The following FAP variants were observed in gnomAD, a reference collection of about 807,000 sequenced individuals.
FAP encodes fibroblast activation protein alpha.
Under a neutral mutation model 126.5 loss-of-function variants are expected in FAP, and 110 were observed. That is an observed-to-expected ratio of 0.87 (90% CI 0.74 to 1.02). The LOEUF is 1.02. Ranked by LOEUF, FAP falls within the 50% of genes least tolerant of loss-of-function variation. The pLI is 0.00. For synonymous variants in FAP, 334 were observed against 297.3 expected, an observed-to-expected ratio of 1.12 and a Z score of -1.27; for missense variants, 919 against 909.2, an observed-to-expected ratio of 1.01 and a Z score of -0.14.
At chr2:162,201,427 T>C (rs925184352) in intron 14 of FAP, among the ~76,000 whole-genome samples, 1 of 152,194 alleles carries the variant, frequency 6.6e-6, no homozygotes, top group Non-Finnish European at 1.5e-5. Context: ...AACTAACACC[T>C]TTCTATGCAT....
intron 16 of FAP, chr2:162,198,201 G>T: frequency 1.6e-6 from 2 of 1,289,462 alleles, no homozygotes; most frequent in Non-Finnish European, 2.0e-6. Flanking sequence ...ATTTAGAAAG[G>T]ACAAAGGTTC....
chr2:162,202,030 G>T (rs532648361), intron 14 of FAP, among the ~76,000 whole-genome samples: 1 of 152,248 alleles, frequency 6.6e-6, no homozygotes, highest in East Asian at 1.9e-4. Flanking sequence ...ATAGATTTCC[G>T]ACAGGCTTTT....
At chr2:162,184,944 G>A (rs145807891) in intron 20 of FAP, among the ~76,000 whole-genome samples, 24 of 152,204 alleles carry the variant, frequency 1.6e-4, no homozygotes, top group Admixed American at 3.9e-4. Context: ...CTCTTCCTAG[G>A]TTTATTCTGA....
intron 9 of FAP, among the ~76,000 whole-genome samples, chr2:162,216,790 C>A (rs1434893367): frequency 6.6e-6 from 1 of 152,326 alleles, no homozygotes; most frequent in Non-Finnish European, 1.5e-5. Flanking sequence ...TCTCTTAGGA[C>A]CTCCGTTTCA....
chr2:162,232,704 C>T (rs1037346231), intron 2 of FAP, among the ~76,000 whole-genome samples: 5 of 152,192 alleles, frequency 3.3e-5, no homozygotes, highest in African/African-American at 9.6e-5. Flanking sequence ...AAGGATTTGC[C>T]GGGCTTTTAA....
At chr2:162,232,363 G>T (rs1027283654) in intron 2 of FAP, among the ~76,000 whole-genome samples, 2 of 152,058 alleles carry the variant, frequency 1.3e-5, no homozygotes, top group African/African-American at 4.8e-5. Flanking sequence ...AGAAAAGCTG[G>T]GGTTTAAATT....
intron 12 of FAP, among the ~76,000 whole-genome samples, chr2:162,208,111 C>G (rs1210274394): frequency 6.6e-6 from 1 of 151,654 alleles, no homozygotes; most frequent in Non-Finnish European, 1.5e-5. Flanking sequence ...CAAAAATTAG[C>G]TGGGCGTGAT....
intron 14 of FAP, among the ~76,000 whole-genome samples, chr2:162,200,830 A>C (rs533655762): frequency 4.6e-5 from 7 of 152,318 alleles, no homozygotes; most frequent in Admixed American, 4.6e-4. Context: ...AATTATGCTG[A>C]ATACTGTTTT....
At chr2:162,201,627 C>T (rs543028944) in intron 14 of FAP, among the ~76,000 whole-genome samples, 2 of 152,120 alleles carry the variant, frequency 1.3e-5, no homozygotes, top group Non-Finnish European at 2.9e-5. Flanking sequence ...TCTTTTCTCT[C>T]TCTTTTTCCT....
At position 162,219,848 on chromosome 2, in the gene FAP, C is replaced by G. The variant is rs1259112763; in HGVS notation, c.486+5G>C. ...ATTAAACACTTCAAAAATTTAAACA[C>G]TTACTAATTTACTCCCAACAGGCGA... On this transcript the variant is annotated splice_donor_5th_base_variant and intron_variant, in intron 7 of 25. Coordinates refer to ENST00000188790, the MANE Select transcript of FAP (RefSeq NM_004460.5). The G allele has an allele frequency of 6.3e-7, 1 of 1,597,436 alleles. No individual in the cohort carries two copies. Among genetic ancestry groups the G allele is most frequent in the Non-Finnish European group, 8.6e-7 (1 of 1,166,056 alleles).
chr2:162,177,521 C>T (rs988138524), intron 21 of FAP, among the ~76,000 whole-genome samples: 1 of 152,072 alleles, frequency 6.6e-6, no homozygotes. Flanking sequence ...TGACCTTCTG[C>T]CTGGAATGCT....
intron 6 of FAP, among the ~76,000 whole-genome samples, chr2:162,222,947 C>T (rs866565502): frequency 4.6e-5 from 7 of 152,050 alleles, no homozygotes; most frequent in Middle Eastern, 3.2e-3. Context: ...CTTCTTGCTG[C>T]CAGAAATTCT....
intron 21 of FAP, chr2:162,175,985 A>G (rs181590747): frequency 6.6e-6 from 1 of 152,242 alleles, no homozygotes; most frequent in Admixed American, 6.5e-5. Context: ...CTGATGCAAG[A>G]ACGTCCCTAA....
intron 20 of FAP, among the ~76,000 whole-genome samples, chr2:162,186,804 A>G (rs1031822327): frequency 3.3e-5 from 5 of 152,096 alleles, no homozygotes; most frequent in Non-Finnish European, 7.4e-5. Context: ...GAATTAAGCT[A>G]TAATTCTGAG....
intron 25 of FAP, chr2:162,171,330 C>T (rs979495009): frequency 9.1e-5 from 30 of 330,886 alleles, no homozygotes; most frequent in African/African-American, 6.0e-4. Flanking sequence ...CATCATCCAG[C>T]ATCCTGGAAG....
intron 2 of FAP, among the ~76,000 whole-genome samples, chr2:162,240,231 T>C (rs1279148207): frequency 1.3e-5 from 2 of 152,222 alleles, no homozygotes; most frequent in East Asian, 3.8e-4. Flanking sequence ...AAAAAGGGAA[T>C]ATTTTACAAG....
chr2:162,178,043 C>G (rs1199508962), intron 21 of FAP, among the ~76,000 whole-genome samples: 1 of 152,170 alleles, frequency 6.6e-6, no homozygotes, highest in East Asian at 1.9e-4. Context: ...TATCCCTATA[C>G]TTAGGGCAAC....
At chr2:162,238,148 G>A (rs1445483634) in intron 2 of FAP, among the ~76,000 whole-genome samples, 1 of 151,806 alleles carries the variant, frequency 6.6e-6, no homozygotes, top group African/African-American at 2.4e-5. Flanking sequence ...TCTGTAGGTT[G>A]CCTGTTCACT....
intron 18 of FAP, among the ~76,000 whole-genome samples, chr2:162,189,435 AAAGG>A (rs1341354711): frequency 6.6e-6 from 1 of 152,036 alleles, no homozygotes; most frequent in Non-Finnish European, 1.5e-5. Context: ...GTCAGTGTGG[AAAGG>A]AAGCTATTGA....
Sources: gnomAD v4.1 joint callset for allele counts (sites outside exome capture counted in the v4.1 genomes callset) on GRCh38, gnomAD v4.1.1 for gene constraint, MANE v1.5 for transcripts, NCBI Gene and HGNC (gene_info 2026-07-23, HGNC 2026-07-21) for gene names.